Variants in TRH observed in about 807,000 individuals in gnomAD.
The protein encoded by TRH is TSH-releasing factor.
In TRH, 5 loss-of-function variants were observed where a neutral mutation model predicts 5.2. The observed-to-expected ratio is 0.95, with a 90% CI of 0.50 to 2.00. TRH has a LOEUF of 2.00. TRH is among the 30% of genes most tolerant of loss of function. TRH has a pLI of 0.01. For synonymous variants in TRH, 131 were observed against 128.6 expected (o/e 1.02, Z -0.13); for missense variants, 318 against 312.8 (o/e 1.02, Z -0.13).
Position 129,975,939 on chromosome 3 carries a change from C to T in TRH, c.123C>T (p.Gly41=), listed in dbSNP as rs751235569. 5.0e-6 allele frequency: 8 copies of T among 1,613,892 alleles called. No individual in the cohort carries two copies. The East Asian group carries it at 1.3e-4, about 27-fold the overall frequency. Residue 41 remains glycine (G), a synonymous_variant, in exon 2 of 3, where the codon GGC becomes GGT. Transcript: ENST00000302649. The part of the protein sequence containing the change: ...QEAVTAAEHP[G]LDDFLRQVER... Reference sequence around the variant, plus strand: ...CAGTGACGGCCGCGGAGCATCCGGGCCTGGATGACTTCCTGCGCCAGGTGG... The same window carrying T: ...CAGTGACGGCCGCGGAGCATCCGGGTCTGGATGACTTCCTGCGCCAGGTGG...
rs1241357644 is a variant in TRH at position 129,976,834 on chromosome 3, C to G, written c.347C>G (p.Pro116Arg). The G allele has an allele frequency of 2.5e-6, 4 of 1,613,706 alleles. No individual in the cohort carries two copies. Among genetic ancestry groups the G allele is most frequent in the South Asian group, 1.1e-5 (1 of 91,070 alleles). ...GTGGGACCCCACAAACGGCAGCACC[C>G]TGGCCGACGAGAAGATGAGGCTTCA... ...GAVGPHKRQH[P>R]GRREDEASWS... The change falls in exon 3 of 3, where the codon CCT (proline) becomes CGT (arginine). Residue 116 changes from proline to arginine, a missense_variant. By Grantham distance (103) the Pro-to-Arg change is moderately radical. Transcript: ENST00000302649.
At chr3:129,975,621 G>A (rs1485871504) in intron 1 of TRH, among the ~76,000 whole-genome samples, 188 bp from the exon 2 acceptor site, 3 of 152,232 alleles carry the variant, frequency 2.0e-5, no homozygotes, top group Non-Finnish European at 4.4e-5. Flanking sequence ...GACGCCTAGA[G>A]GTGACAGGTG....
In TRH at chr3:129,977,204, C is replaced by T; in HGVS notation, c.717C>T (p.Pro239=). The T allele has an allele frequency of 6.6e-7, 1 of 1,517,366 alleles. No homozygotes were observed. Among genetic ancestry groups the T allele is most frequent in the Non-Finnish European group, 8.8e-7 (1 of 1,135,582 alleles). 94.0% of individuals were successfully genotyped at this position (1,517,366 alleles called of 1,614,324 possible). A position where few individuals can be genotyped will look rare whatever the true frequency, so the allele number is the denominator to read the frequency against. ...PGRRAAWVRE[P]LEE ...GGCGGGCAGCCTGGGTCAGAGAGCCCCTGGAGGAGTGAACCCAGTTTTCCC... is the reference window on the plus strand; with the variant it reads ...GGCGGGCAGCCTGGGTCAGAGAGCCTCTGGAGGAGTGAACCCAGTTTTCCC... Residue 239 remains proline, a synonymous_variant, in exon 3 of 3, where the codon CCC becomes CCT. Coordinates refer to ENST00000302649, the MANE Select transcript of TRH (RefSeq NM_007117.5).
In TRH at chr3:129,976,980, AG is replaced by A; in HGVS notation, c.495del (p.Ser166AlafsTer15). 2 of 1,613,244 alleles carry A rather than the reference AG, an allele frequency of 1.2e-6. No homozygotes were observed. Among genetic ancestry groups the A allele is most frequent in the Non-Finnish European group, 8.5e-7 (1 of 1,179,774 alleles). ...GRRLADPKAQ[R>X]SWEEEEEEEE... The stretch of plus-strand genomic sequence containing the variant: ...AAGGCTGGCAGATCCCAAGGCTCAA[AG>A]GAGCTGGGAAGAAGAGGAGGAGGAG... On this transcript the variant is annotated frameshift_variant, in exon 3 of 3. Transcript: ENST00000302649. LOFTEE classifies it low-confidence loss of function (END_TRUNC).
intron 2 of TRH, among the ~76,000 whole-genome samples, chr3:129,976,458 G>T (rs1381508126): frequency 3.3e-5 from 5 of 152,212 alleles, no homozygotes; most frequent in Non-Finnish European, 1.5e-5. Context: ...GAGATCAATT[G>T]AGTCGCTTAT....
rs2062532111 is a variant in TRH at position 129,974,750 on chromosome 3, G to C, written c.-82G>C. 6.6e-6 allele frequency: 1 copy of C among 152,224 alleles called. No individual in the cohort carries two copies. The highest frequency in any genetic ancestry group is 1.5e-5 in the Non-Finnish European group (1 of 68,068). The allele number at this position is 152,224 out of a possible 1,614,324, so 9.4% of individuals were successfully genotyped here. A position where few individuals can be genotyped will look rare whatever the true frequency, so the allele number is the denominator to read the frequency against. The stretch of plus-strand genomic sequence containing the variant: ...GGCGCCCGGGGTCCTCAGCGCTGCA[G>C]ACTCCTGACCTGCCGACTGCGGATC... On this transcript the variant is annotated 5_prime_UTR_variant, in exon 1 of 3. Transcript: ENST00000302649.
intron 2 of TRH, among the ~76,000 whole-genome samples, chr3:129,976,297 T>C (rs2062543399): frequency 1.3e-5 from 2 of 152,248 alleles, no homozygotes; most frequent in Admixed American, 1.3e-4. Context: ...TCTTTGTGTG[T>C]GACAGTTTGA....
Position 129,975,943 on chromosome 3 carries a change from G to C in TRH, c.127G>C (p.Asp43His). Reference sequence around the variant, plus strand: ...GACGGCCGCGGAGCATCCGGGCCTGGATGACTTCCTGCGCCAGGTGGAGCG... The same window carrying C: ...GACGGCCGCGGAGCATCCGGGCCTGCATGACTTCCTGCGCCAGGTGGAGCG... ...AVTAAEHPGL[D>H]DFLRQVERLL... Residue 43 changes from aspartate (D) to histidine (H), a missense_variant, in exon 2 of 3, where the codon GAT becomes CAT. Physicochemically the swap from Asp to His is moderately conservative, Grantham distance 81. Coordinates refer to ENST00000302649, the MANE Select transcript of TRH (RefSeq NM_007117.5). 6.2e-7 allele frequency: 1 copy of C among 1,613,992 alleles called. No homozygotes were observed. Among genetic ancestry groups the C allele is most frequent in the Non-Finnish European group, 8.5e-7 (1 of 1,179,976 alleles).
At chr3:129,975,430 G>T (rs1054870524) in intron 1 of TRH, among the ~76,000 whole-genome samples, 4 of 152,122 alleles carry the variant, frequency 2.6e-5, no homozygotes, top group African/African-American at 9.7e-5. Flanking sequence ...TTAGCGTCGC[G>T]GCTGTGCCTG....
Position 129,975,922 on chromosome 3 carries a change from G to T in TRH, c.106G>T (p.Ala36Ser), listed in dbSNP as rs759441125. The part of the protein sequence containing the change: ...PEAAQQEAVT[A>S]AEHPGLDDFL... Reference sequence around the variant, plus strand: ...GGCGGCCCAGCAGGAGGCAGTGACGGCCGCGGAGCATCCGGGCCTGGATGA... The same window carrying T: ...GGCGGCCCAGCAGGAGGCAGTGACGTCCGCGGAGCATCCGGGCCTGGATGA... Residue 36 changes from alanine to serine, a missense_variant, in exon 2 of 3, where the codon GCC (alanine) becomes TCC (serine). By Grantham distance (99) the Ala-to-Ser change is moderately conservative. Coordinates refer to ENST00000302649, the MANE Select transcript of TRH (RefSeq NM_007117.5). 1.9e-6 allele frequency: 3 copies of T among 1,613,434 alleles called. No homozygotes were observed. The African/African-American group carries it at 4.0e-5, about 22-fold the overall frequency.
Position 129,977,363 on chromosome 3 carries a change from C to T in TRH, c.*147C>T. ...CCCAGCCCCATATTCACACACATCC[C>T]AGCCCCTGGCCTTGCCCTCTTCCTT... is the stretch of plus-strand genomic sequence containing the variant. On this transcript the variant is annotated 3_prime_UTR_variant, in exon 3 of 3. Coordinates refer to ENST00000302649, the MANE Select transcript of TRH (RefSeq NM_007117.5). 9.1e-7 allele frequency: 1 copy of T among 1,093,318 alleles called. No individual in the cohort carries two copies. The highest frequency in any genetic ancestry group is 1.2e-6 in the Non-Finnish European group (1 of 823,850). 67.7% of individuals were successfully genotyped at this position (1,093,318 alleles called of 1,614,324 possible). A position where few individuals can be genotyped will look rare whatever the true frequency, so the allele number is the denominator to read the frequency against.
intron 1 of TRH, 140 bp downstream of exon 1, chr3:129,974,963 C>G (rs1469004863): frequency 1.3e-5 from 2 of 152,270 alleles, no homozygotes; most frequent in African/African-American, 2.4e-5. Context: ...GCTGTGCTCG[C>G]ACCCCCGGGT....
intron 1 of TRH, among the ~76,000 whole-genome samples, chr3:129,975,516 A>C (rs901341407): frequency 6.6e-6 from 1 of 152,086 alleles, no homozygotes; most frequent in Non-Finnish European, 1.5e-5. Context: ...GTCACATTGA[A>C]GGGTGGCGGT....
At chr3:129,975,083 T>C (rs1049101373) in intron 1 of TRH, among the ~76,000 whole-genome samples, 2 of 151,828 alleles carry the variant, frequency 1.3e-5, no homozygotes, top group African/African-American at 4.8e-5. Flanking sequence ...GGGTGGGAGC[T>C]CCGCGGCACC....
At chr3:129,976,588 G>A in intron 2 of TRH, 111 bp from the exon 3 acceptor site, 1 of 1,246,604 alleles carries the variant, frequency 8.0e-7, no homozygotes, top group South Asian at 1.4e-5. Context: ...ATGCCTCTGA[G>A]TGGGAGCTGC....
rs1484441655 is a variant in TRH at position 129,974,745 on chromosome 3, C to T, written c.-87C>T. The T allele has an allele frequency of 6.6e-6, 1 of 152,240 alleles. No individual in the cohort carries two copies. Among genetic ancestry groups the T allele is most frequent in the Admixed American group, 6.5e-5 (1 of 15,292 alleles). The allele number at this position is 152,240 out of a possible 1,614,324, so 9.4% of individuals were successfully genotyped here. A position where few individuals can be genotyped will look rare whatever the true frequency, so the allele number is the denominator to read the frequency against. On this transcript the variant is annotated 5_prime_UTR_variant, in exon 1 of 3. Coordinates refer to ENST00000302649, the MANE Select transcript of TRH (RefSeq NM_007117.5). ...CGGCAGGCGCCCGGGGTCCTCAGCG[C>T]TGCAGACTCCTGACCTGCCGACTGC... is the stretch of plus-strand genomic sequence containing the variant.
rs567609636 is a variant in TRH, at chr3:129,975,920, C to A, written c.104C>A (p.Thr35Lys). The A allele has an allele frequency of 6.8e-6, 11 of 1,613,482 alleles. No homozygotes were observed. In the East Asian group the frequency reaches 2.5e-4, roughly 36 times the overall value. The change falls in exon 2 of 3, where the codon ACG becomes AAG. Residue 35 changes from threonine to lysine, a missense_variant. Transcript: ENST00000302649. ...QPEAAQQEAV[T>K]AAEHPGLDDF... ...GAGGCGGCCCAGCAGGAGGCAGTGA[C>A]GGCCGCGGAGCATCCGGGCCTGGAT...
rs933237755 is a variant in TRH at position 129,977,237 on chromosome 3, G to A, written c.*21G>A. 2.0e-6 allele frequency: 3 copies of A among 1,514,136 alleles called. No individual in the cohort carries two copies. The highest frequency in any genetic ancestry group is 1.4e-5 in the African/African-American group (1 of 71,502). 93.8% of individuals were successfully genotyped at this position (1,514,136 alleles called of 1,614,324 possible). On this transcript the variant is annotated 3_prime_UTR_variant, in exon 3 of 3. Transcript: ENST00000302649. ...AGTGAACCCAGTTTTCCCTGAAGTCGAGTTTGTGGTCTAAGGATGTCTTGA... is the reference window on the plus strand; with the variant it reads ...AGTGAACCCAGTTTTCCCTGAAGTCAAGTTTGTGGTCTAAGGATGTCTTGA...
chr3:129,977,181 C>G lies in TRH; in HGVS notation c.694C>G (p.Arg232Gly). 1 of 1,518,946 alleles carries G rather than the reference C, an allele frequency of 6.6e-7. No individual in the cohort carries two copies. Among genetic ancestry groups the G allele is most frequent in the South Asian group, 1.3e-5 (1 of 74,650 alleles). The allele number at this position is 1,518,946 out of a possible 1,614,324, so 94.1% of individuals were successfully genotyped here. A position where few individuals can be genotyped will look rare whatever the true frequency, so the allele number is the denominator to read the frequency against. ...GGAAAAGCGGCAGCACCCTGGTCGG[C>G]GGGCAGCCTGGGTCAGAGAGCCCCT... Reference protein sequence around the residue: ...AEEKRQHPGRRAAWVREPLEE With the variant: ...AEEKRQHPGRGAAWVREPLEE The change falls in exon 3 of 3, where the codon CGG becomes GGG. Residue 232 changes from arginine (R) to glycine (G), a missense_variant. Coordinates refer to ENST00000302649, the MANE Select transcript of TRH (RefSeq NM_007117.5).
Sources: allele counts gnomAD v4.1 joint callset (sites outside exome capture counted in the v4.1 genomes callset), GRCh38; gene constraint gnomAD v4.1.1; transcripts MANE v1.5; gene names NCBI Gene and HGNC (gene_info 2026-07-23, HGNC 2026-07-21).